DYRK1A: variants seen among roughly 807,000 people sequenced by gnomAD.
DYRK1A encodes dual specificity tyrosine phosphorylation regulated kinase 1A.
In DYRK1A, 9 loss-of-function variants were observed where a neutral mutation model predicts 79.7. The ratio of observed to expected loss-of-function variants is 0.11; its 90% CI spans 0.07 to 0.20. DYRK1A has a LOEUF of 0.20. Among genes scored for constraint, DYRK1A ranks in the 10% least tolerant of loss-of-function variants. The pLI, the probability that DYRK1A is intolerant of heterozygous loss-of-function variation, is 1.00. For missense variants in DYRK1A, 622 were observed against 956.0 expected (o/e 0.65, Z 4.61); for synonymous variants, 349 against 329.7 (o/e 1.06, Z -0.63).
chr21:37,525,414 C>T lies in DYRK1A; in HGVS notation c.*12883C>T, dbSNP rs2053961381. On this transcript the variant is annotated 3_prime_UTR_variant, in exon 12 of 12. Transcript: ENST00000647188. ...ACCATCAGATCTCATGAGACTTACT[C>T]ACTATTATGAGAACAGCATGGTAAA... 6.6e-6 allele frequency: 1 copy of T among 152,156 alleles called. No homozygotes were observed. Among genetic ancestry groups the T allele is most frequent in the African/African-American group, 2.4e-5 (1 of 41,414 alleles). The allele number at this position is 152,156 out of a possible 1,614,324, so 9.4% of individuals were successfully genotyped here.
At position 37,407,040 on chromosome 21, in the gene DYRK1A, T is replaced by C. The variant is rs2050161430; in HGVS notation, c.-76-13259T>C. ...TGACTAGTAAAGGTTTGCTGTTTTT[T>C]CTTCTGGACATTTTCCTTTGCGTCT... is the stretch of plus-strand genomic sequence containing the variant. On this transcript the variant is annotated intron_variant, in intron 1 of 11. Transcript: ENST00000647188. 3.9e-5 allele frequency among the ~76,000 whole-genome samples: 6 copies of C among 152,024 alleles called. 1 individual carries two copies. The South Asian group carries it at 1.2e-3, about 32-fold the overall frequency.
chr21:37,503,456 CTG>C (rs2053510212), intron 9 of DYRK1A: 1 of 152,178 alleles, frequency 6.6e-6, no homozygotes, highest in East Asian at 1.9e-4. Flanking sequence ...GGTTCTCACT[CTG>C]TCACCCAGGC....
At chr21:37,437,309 A>G (rs1444039451) in intron 2 of DYRK1A, among the ~76,000 whole-genome samples, 4 of 152,172 alleles carry the variant, frequency 2.6e-5, no homozygotes, top group Non-Finnish European at 5.9e-5. Flanking sequence ...TTAAAATATG[A>G]AAATGTGGTA....
rs2053954830 is a variant in DYRK1A at position 37,524,350 on chromosome 21, T to C, written c.*11819T>C. 1 of 152,168 alleles carries C rather than the reference T, an allele frequency of 6.6e-6. No individual in the cohort carries two copies. Among genetic ancestry groups the C allele is most frequent in the Non-Finnish European group, 1.5e-5 (1 of 68,036 alleles). 9.4% of individuals were successfully genotyped at this position (152,168 alleles called of 1,614,324 possible). ...ATATTTCTAATTCACAAGAAAGCAA[T>C]GGTCAGAAAAATTAGAAAATTTAAA... On this transcript the variant is annotated 3_prime_UTR_variant, in exon 12 of 12. Transcript: ENST00000647188.
chr21:37,485,865 A>G (rs982144671), intron 5 of DYRK1A, among the ~76,000 whole-genome samples: 4 of 152,156 alleles, frequency 2.6e-5, no homozygotes, highest in Admixed American at 6.6e-5. Context: ...TAAAACTATC[A>G]TAATCCCCCA....
chr21:37,401,481 C>CT (rs772460097), intron 1 of DYRK1A, among the ~76,000 whole-genome samples: 10,523 of 134,950 alleles, frequency 0.078, 574 homozygotes, highest in Non-Finnish European at 0.12. Flanking sequence ...ATTTCTAGTT[C>CT]CTTTTTTTTT....
intron 2 of DYRK1A, chr21:37,456,235 A>T (rs947957889): frequency 4.6e-5 from 7 of 152,646 alleles, no homozygotes; most frequent in African/African-American, 1.7e-4. Flanking sequence ...TACTTGAGAG[A>T]GTGTGGAGGT....
At chr21:37,392,113 C>T (rs941860450) in intron 1 of DYRK1A, among the ~76,000 whole-genome samples, 17 of 152,256 alleles carry the variant, frequency 1.1e-4, no homozygotes, top group African/African-American at 3.9e-4. Context: ...TGTTTGTGTG[C>T]CTGTATGTGA....
chr21:37,510,698 C>T (rs1257875211), intron 11 of DYRK1A, among the ~76,000 whole-genome samples: 1 of 152,042 alleles, frequency 6.6e-6, no homozygotes, highest in Non-Finnish European at 1.5e-5. Context: ...TCTTCCAGGT[C>T]CTGATCTCCT....
intron 5 of DYRK1A, among the ~76,000 whole-genome samples, chr21:37,484,874 C>T (rs890972994): frequency 6.6e-6 from 1 of 152,194 alleles, no homozygotes; most frequent in Non-Finnish European, 1.5e-5. Context: ...GATACTTCCC[C>T]TCTTGGGCTG....
In DYRK1A at chr21:37,388,100, A is replaced by ATTT. The variant is rs34571307; in HGVS notation, c.-77+20492_-77+20494dup. Among the ~76,000 whole-genome samples the ATTT allele has an allele frequency of 2.2e-3, 252 of 116,614 alleles. 8 individuals are homozygous for ATTT. The highest frequency in any genetic ancestry group is 4.8e-3 in the Middle Eastern group (1 of 208). The allele number at this position is 116,614 out of a possible 152,430, so 76.5% of individuals were successfully genotyped here. A position where few individuals can be genotyped will look rare whatever the true frequency, so the allele number is the denominator to read the frequency against. ...TTTTTATCTGTCCCTCTTCCCTTTG[A>ATTT]TTTTTTTTTTTTTTTTTTTTTTACT... On this transcript the variant is annotated intron_variant, in intron 1 of 11. Transcript: ENST00000647188.
intron 1 of DYRK1A, among the ~76,000 whole-genome samples, chr21:37,386,549 ACT>A (rs2049764539): frequency 6.6e-6 from 1 of 152,156 alleles, no homozygotes; most frequent in East Asian, 1.9e-4. Flanking sequence ...ATAGGTAATC[ACT>A]TTTTCCTCAG....
At chr21:37,484,390 G>A (rs557230308) in intron 5 of DYRK1A, among the ~76,000 whole-genome samples, 20 of 149,166 alleles carry the variant, frequency 1.3e-4, no homozygotes, top group Non-Finnish European at 2.7e-4. Context: ...GTGCAATGGT[G>A]TGATCTTGGC....
At chr21:37,496,377 T>C (rs1478209785) in intron 9 of DYRK1A, 119 bp downstream of exon 9, 3 of 965,730 alleles carry the variant, frequency 3.1e-6, no homozygotes, top group Non-Finnish European at 4.6e-6. Context: ...ATTTTATTGA[T>C]ACCTTACATA....
In DYRK1A at chr21:37,512,542, AC is replaced by A; in HGVS notation, c.*12del. 1 of 1,601,844 alleles carries A rather than the reference AC, an allele frequency of 6.2e-7. No individual in the cohort carries two copies. The highest frequency in any genetic ancestry group is 8.5e-7 in the Non-Finnish European group (1 of 1,171,594). On this transcript the variant is annotated 3_prime_UTR_variant, in exon 12 of 12. Coordinates refer to ENST00000647188, the MANE Select transcript of DYRK1A (RefSeq NM_001347721.2). ...GTAGCTAGCTCGTGACTACATTGAA[AC>A]TTGAGTTTGTTTCTTGTGTGTTTTT...
intron 1 of DYRK1A, among the ~76,000 whole-genome samples, chr21:37,383,837 ATGTGTG>A (rs112549944): frequency 6.7e-5 from 10 of 148,370 alleles, no homozygotes; most frequent in Admixed American, 5.4e-4. Flanking sequence ...GTAATGGTGT[ATGTGTG>A]TGTGTGTGTG....
At chr21:37,387,176 A>G (rs1268751235) in intron 1 of DYRK1A, among the ~76,000 whole-genome samples, 1 of 152,186 alleles carries the variant, frequency 6.6e-6, no homozygotes, top group African/African-American at 2.4e-5. Flanking sequence ...CCCTGTCCCT[A>G]TTTTTGTATT....
At chr21:37,366,510 CG>C (rs1218834304), upstream of DYRK1A, among the ~76,000 whole-genome samples, 1 of 150,738 alleles carries the variant, frequency 6.6e-6, no homozygotes, top group Non-Finnish European at 1.5e-5. Flanking sequence ...TCGGCCTAGC[CG>C]TCCCCCTCCT....
At chr21:37,502,677 T>G (rs2053485918) in intron 9 of DYRK1A, 1 of 152,190 alleles carries the variant, frequency 6.6e-6, no homozygotes, top group Admixed American at 6.5e-5. Context: ...ATATTTATCC[T>G]TATATTTGCT....
Sources: gnomAD v4.1 joint callset for allele counts (sites outside exome capture counted in the v4.1 genomes callset) on GRCh38, gnomAD v4.1.1 for gene constraint, MANE v1.5 for transcripts, NCBI Gene and HGNC (gene_info 2026-07-23, HGNC 2026-07-21) for gene names.